The following ANKRD33B variants were observed in gnomAD, a reference collection of about 807,000 sequenced individuals.
ANKRD33B encodes ankyrin repeat domain-containing protein 33B.
In ANKRD33B, 6 loss-of-function variants were observed where a neutral mutation model predicts 21.5. That is an observed-to-expected ratio of 0.28 (90% confidence interval 0.15 to 0.55). The LOEUF is 0.55. ANKRD33B is among the 20% of genes least tolerant of loss of function. ANKRD33B has a pLI of 0.94. For missense variants in ANKRD33B, 698 were observed against 747.2 expected, an observed-to-expected ratio of 0.93 and a Z score of 0.77; for synonymous variants, 347 against 342.4, an observed-to-expected ratio of 1.01 and a Z score of -0.15.
At chr5:10,621,532 A>T (rs1736421567) in intron 2 of ANKRD33B, among the ~76,000 whole-genome samples, 1 of 152,226 alleles carries the variant, frequency 6.6e-6, no homozygotes, top group African/African-American at 2.4e-5. Context: ...ACAAATGTGC[A>T]CAAAGTGGTG....
chr5:10,624,130 C>CT lies in ANKRD33B; in HGVS notation c.496+5685dup, dbSNP rs60575071. On this transcript the variant is annotated intron_variant, in intron 2 of 3. Transcript: ENST00000296657. The stretch of plus-strand genomic sequence containing the variant: ...TTTTCTTTCGTTCTTTCTTTCTTTT[C>CT]TTTTTTTTTTTTTTTTTGAGTCTGA... Among the ~76,000 whole-genome samples the CT allele has an allele frequency of 9.4e-3, 1,267 of 134,254 alleles. 5 individuals carry two copies. The highest frequency in any genetic ancestry group is 0.013 in the Non-Finnish European group (804 of 62,314). 88.1% of individuals were successfully genotyped at this position (134,254 alleles called of 152,430 possible). A position where few individuals can be genotyped will look rare whatever the true frequency, so the allele number is the denominator to read the frequency against.
In ANKRD33B at chr5:10,638,183, C is replaced by T. The variant is rs1736917639; in HGVS notation, c.637+15C>T. On this transcript the variant is annotated intron_variant, in intron 3 of 3. Coordinates refer to ENST00000296657, the MANE Select transcript of ANKRD33B (RefSeq NM_001164440.2). The stretch of plus-strand genomic sequence containing the variant: ...GATGCTAGCAGGTATGTCCACCTGT[C>T]CTGTGCAGCTTCCAGGGGCCCTGGG... 1 of 1,536,428 alleles carries T rather than the reference C, an allele frequency of 6.5e-7. No homozygotes were observed. The highest frequency in any genetic ancestry group is 8.7e-7 in the Non-Finnish European group (1 of 1,146,388).
At chr5:10,606,532 G>A (rs1579730037) in intron 1 of ANKRD33B, among the ~76,000 whole-genome samples, 3 of 152,144 alleles carry the variant, frequency 2.0e-5, no homozygotes, top group African/African-American at 7.2e-5. Context: ...TCAAGAGATC[G>A]AGACCATCCT....
At chr5:10,627,058 TA>T (rs1736569682) in intron 2 of ANKRD33B, among the ~76,000 whole-genome samples, 1 of 152,230 alleles carries the variant, frequency 6.6e-6, no homozygotes, top group African/African-American at 2.4e-5. Flanking sequence ...GAGTGTTCTC[TA>T]AAAAGTCTAA....
intron 1 of ANKRD33B, among the ~76,000 whole-genome samples, chr5:10,579,757 C>T (rs1579713755): frequency 6.6e-6 from 1 of 151,396 alleles, no homozygotes. Flanking sequence ...AATGGGAAAT[C>T]CCCAAAAAGC....
At chr5:10,582,106 T>C (rs1310736846) in intron 1 of ANKRD33B, among the ~76,000 whole-genome samples, 2 of 152,104 alleles carry the variant, frequency 1.3e-5, no homozygotes, top group African/African-American at 2.4e-5. Flanking sequence ...TCCCCCAGCA[T>C]CTCCTTCTTA....
chr5:10,574,084 A>G (rs1290417834), intron 1 of ANKRD33B, among the ~76,000 whole-genome samples: 4 of 152,258 alleles, frequency 2.6e-5, no homozygotes, highest in Non-Finnish European at 4.4e-5. Context: ...ACACACGCAC[A>G]AACATGCGTG....
At chr5:10,608,380 G>A (rs917557932) in intron 1 of ANKRD33B, among the ~76,000 whole-genome samples, 5 of 150,682 alleles carry the variant, frequency 3.3e-5, no homozygotes, top group African/African-American at 1.2e-4. Flanking sequence ...AAAAAGAGCC[G>A]TGGTAGTTCT....
At chr5:10,607,621 T>C (rs1736074828) in intron 1 of ANKRD33B, among the ~76,000 whole-genome samples, 1 of 152,236 alleles carries the variant, frequency 6.6e-6, no homozygotes, top group African/African-American at 2.4e-5. Flanking sequence ...AGACTTTGTG[T>C]GTGTACTTTC....
At chr5:10,610,813 G>A (rs1368510253) in intron 1 of ANKRD33B, among the ~76,000 whole-genome samples, 1 of 152,202 alleles carries the variant, frequency 6.6e-6, no homozygotes, top group Non-Finnish European at 1.5e-5. Context: ...GGGAGGCCGA[G>A]GTGGGTGGAT....
intron 2 of ANKRD33B, among the ~76,000 whole-genome samples, chr5:10,630,589 A>C (rs1032632962): frequency 6.6e-6 from 1 of 152,212 alleles, no homozygotes; most frequent in African/African-American, 2.4e-5. Flanking sequence ...GAAGAGGCAT[A>C]CAAAAGAGGC....
chr5:10,590,349 G>A (rs1189550618), intron 1 of ANKRD33B, among the ~76,000 whole-genome samples: 2 of 152,160 alleles, frequency 1.3e-5, no homozygotes, highest in African/African-American at 2.4e-5. Flanking sequence ...AGACAGAGTG[G>A]GACAGAAGAT....
chr5:10,585,536 G>T (rs1256945376), intron 1 of ANKRD33B, among the ~76,000 whole-genome samples: 3 of 152,212 alleles, frequency 2.0e-5, no homozygotes, highest in Non-Finnish European at 4.4e-5. Context: ...CTAGGGAAAA[G>T]AAACGCACTG....
intron 1 of ANKRD33B, among the ~76,000 whole-genome samples, chr5:10,588,699 ACAATTTTC>A (rs1393035738): frequency 6.6e-6 from 1 of 152,208 alleles, no homozygotes; most frequent in Non-Finnish European, 1.5e-5. Flanking sequence ...CGGGCAACCC[ACAATTTTC>A]CAGGTAGAGT....
chr5:10,585,088 A>G (rs1470534587), intron 1 of ANKRD33B, among the ~76,000 whole-genome samples: 3 of 152,194 alleles, frequency 2.0e-5, no homozygotes, highest in Admixed American at 2.0e-4. Context: ...CCAGTGCTTT[A>G]CTCACAAAGG....
At chr5:10,639,040 G>A (rs1480861639) in intron 3 of ANKRD33B, among the ~76,000 whole-genome samples, 2 of 62,740 alleles carry the variant, frequency 3.2e-5, no homozygotes, top group African/African-American at 7.5e-5. Flanking sequence ...CGATGTTAGC[G>A]GGTGACGCGG....
Position 10,649,963 on chromosome 5 carries a change from C to T in ANKRD33B, c.1335C>T (p.Gly445=). 6.5e-7 allele frequency: 1 copy of T among 1,532,694 alleles called. No individual in the cohort carries two copies. The highest frequency in any genetic ancestry group is 1.4e-5 in the African/African-American group (1 of 72,708). 94.9% of individuals were successfully genotyped at this position (1,532,694 alleles called of 1,614,324 possible). ...TFQPERPARK[G]STKDSGHLQI... ...AGCCCGAGCGGCCGGCGCGGAAGGG[C>T]AGCACCAAGGACAGCGGCCACCTGC... Residue 445 remains glycine, a synonymous_variant, in exon 4 of 4, where the codon GGC becomes GGT. Transcript: ENST00000296657.
chr5:10,584,177 T>G (rs1011533992), intron 1 of ANKRD33B, among the ~76,000 whole-genome samples: 6 of 152,216 alleles, frequency 3.9e-5, no homozygotes, highest in African/African-American at 1.4e-4. Flanking sequence ...TACATTTGGC[T>G]TTGATTTTCA....
chr5:10,607,500 G>A (rs1267988997), intron 1 of ANKRD33B, among the ~76,000 whole-genome samples: 2 of 152,294 alleles, frequency 1.3e-5, no homozygotes, highest in East Asian at 1.9e-4. Context: ...GAAAGGGTGG[G>A]GAAATGCAAT....
Sources: allele counts gnomAD v4.1 joint callset (sites outside exome capture counted in the v4.1 genomes callset), GRCh38; gene constraint gnomAD v4.1.1; transcripts MANE v1.5; gene names NCBI Gene and HGNC (gene_info 2026-07-23, HGNC 2026-07-21).